Variants in DNAH11 observed in about 807,000 individuals in gnomAD.
DNAH11 encodes the protein dynein axonemal heavy chain 11, also known as axonemal beta dynein heavy chain 11.
DNAH11 carries 442 observed loss-of-function variants against 526.0 expected under a neutral mutation model. The observed-to-expected ratio is 0.84, with a 90% CI of 0.78 to 0.91. The LOEUF (loss-of-function observed/expected upper bound fraction) is 0.91. DNAH11 is among the 40% of genes least tolerant of loss of function. The pLI is 0.00. For synonymous variants in DNAH11, 2,461 were observed against 1,935.9 expected (o/e 1.27, Z -7.12); for missense variants, 6,989 against 5,448.7 (o/e 1.28, Z -8.90).
At chr7:21,869,662 G>A (rs1471551161) in intron 73 of DNAH11, among the ~76,000 whole-genome samples, 1 of 152,180 alleles carries the variant, frequency 6.6e-6, no homozygotes, top group Non-Finnish European at 1.5e-5. Flanking sequence ...TGCACAGGCA[G>A]GTCAGAGATT....
At position 21,854,224 on chromosome 7, in the gene DNAH11, T is replaced by G. The variant is rs946401519; in HGVS notation, c.11062-91T>G. On this transcript the variant is annotated intron_variant, in intron 67 of 81. Coordinates refer to ENST00000409508, the MANE Select transcript of DNAH11 (RefSeq NM_001277115.2). ...GTTATCTATTTTAATACTCATAATTTTTCATTTCAGGTACGTCCTTCCATT... is the reference window on the plus strand; with the variant it reads ...GTTATCTATTTTAATACTCATAATTGTTCATTTCAGGTACGTCCTTCCATT... 45 of 1,413,326 alleles carry G rather than the reference T, an allele frequency of 3.2e-5. No homozygotes were observed. In the East Asian group the frequency reaches 1.1e-3, roughly 34 times the overall value. 87.5% of individuals were successfully genotyped at this position (1,413,326 alleles called of 1,614,324 possible). A position where few individuals can be genotyped will look rare whatever the true frequency, so the allele number is the denominator to read the frequency against.
At chr7:21,561,233 C>G in intron 5 of DNAH11, 63 bp downstream of exon 5, 2 of 1,230,480 alleles carry the variant, frequency 1.6e-6, no homozygotes, top group Non-Finnish European at 2.3e-6. Context: ...CAGCCCCTGC[C>G]TGCTCGGCCT....
rs148200505 is a variant in DNAH11, at chr7:21,710,266, C to G, written c.6684-287C>G. On this transcript the variant is annotated intron_variant, in intron 40 of 81. Transcript: ENST00000409508. ...TTTTGAGTTTTAGGTACGTTACCTT[C>G]TATAAATCCCCACAACTGTTCATGA... Among the ~76,000 whole-genome samples, 822 of 152,234 alleles carry G rather than the reference C, an allele frequency of 5.4e-3. 3 individuals carry two copies. The highest frequency in any genetic ancestry group is 9.9e-3 in the Non-Finnish European group (670 of 67,998).
At chr7:21,693,953 GC>G (rs1320941773) in intron 35 of DNAH11, among the ~76,000 whole-genome samples, 1 of 152,118 alleles carries the variant, frequency 6.6e-6, no homozygotes, top group Non-Finnish European at 1.5e-5. Context: ...GAGAGAACAC[GC>G]GCGAGGTGGG....
chr7:21,619,738 A>G (rs897189946), intron 24 of DNAH11, among the ~76,000 whole-genome samples: 1 of 152,184 alleles, frequency 6.6e-6, no homozygotes, highest in African/African-American at 2.4e-5. Flanking sequence ...CACATTCAGT[A>G]GAAGTTTGAT....
chr7:21,583,513 A>G (rs113089157), intron 9 of DNAH11, among the ~76,000 whole-genome samples: 9,358 of 152,214 alleles, frequency 0.061, 939 homozygotes, highest in African/African-American at 0.21. Context: ...CATTCAGGAC[A>G]TAGGCATGGG....
intron 25 of DNAH11, among the ~76,000 whole-genome samples, chr7:21,634,792 A>G (rs1051989241): frequency 6.6e-6 from 1 of 152,114 alleles, no homozygotes; most frequent in Admixed American, 6.6e-5. Context: ...ACAAGCCTGC[A>G]TATGTACCCC....
intron 18 of DNAH11, among the ~76,000 whole-genome samples, chr7:21,605,590 A>C (rs1785248079): frequency 6.6e-6 from 1 of 152,196 alleles, no homozygotes. Context: ...AAATAAACCC[A>C]ACCTCAATCC....
chr7:21,599,361 G>C (rs1784985224), intron 14 of DNAH11, among the ~76,000 whole-genome samples: 1 of 152,166 alleles, frequency 6.6e-6, no homozygotes, highest in Non-Finnish European at 1.5e-5. Flanking sequence ...ATAGTCTTCA[G>C]ATGTTCCAGA....
chr7:21,552,094 A>G (rs1263675503), intron 2 of DNAH11, among the ~76,000 whole-genome samples: 1 of 152,132 alleles, frequency 6.6e-6, no homozygotes, highest in African/African-American at 2.4e-5. Context: ...CAAAAGCAAC[A>G]GGTTCCCTCT....
chr7:21,654,196 G>A (rs1781910999), intron 28 of DNAH11, among the ~76,000 whole-genome samples: 1 of 151,996 alleles, frequency 6.6e-6, no homozygotes, highest in Non-Finnish European at 1.5e-5. Flanking sequence ...TTTTCATCAA[G>A]CCGAAAGTAA....
At position 21,765,315 on chromosome 7, in the gene DNAH11, T is replaced by C. The variant is rs549409916; in HGVS notation, c.8941-113T>C. On this transcript the variant is annotated intron_variant, in intron 54 of 81. Transcript: ENST00000409508. The stretch of plus-strand genomic sequence containing the variant: ...CTGTCCACTCTCTAGGGCTTTAGGG[T>C]AGTTTAATGTCACAGTTGGCTGCAC... 6.3e-4 allele frequency: 912 copies of C among 1,458,820 alleles called. 11 individuals carry two copies. In the South Asian group the frequency reaches 0.01, roughly 17 times the overall value. 90.4% of individuals were successfully genotyped at this position (1,458,820 alleles called of 1,614,324 possible). A position where few individuals can be genotyped will look rare whatever the true frequency, so the allele number is the denominator to read the frequency against.
chr7:21,786,796 T>A, intron 59 of DNAH11, 29 bp downstream of exon 59: 1 of 1,612,360 alleles, frequency 6.2e-7, no homozygotes, highest in Non-Finnish European at 8.5e-7. Context: ...AAGATGAAAA[T>A]CCTGATAATT....
intron 39 of DNAH11, 70 bp from the exon 40 acceptor site, chr7:21,707,628 CA>C: frequency 6.5e-7 from 1 of 1,538,618 alleles, no homozygotes; most frequent in Non-Finnish European, 8.8e-7. Context: ...GAAAACTCTT[CA>C]GAAATCTTTT....
At chr7:21,663,131 C>A (rs974487442) in intron 30 of DNAH11, among the ~76,000 whole-genome samples, 1 of 152,056 alleles carries the variant, frequency 6.6e-6, no homozygotes. Flanking sequence ...TAGTTCCCTG[C>A]GTGTTGCTAC....
intron 55 of DNAH11, among the ~76,000 whole-genome samples, chr7:21,772,229 C>T (rs927775298): frequency 8.5e-5 from 13 of 152,196 alleles, no homozygotes; most frequent in Non-Finnish European, 1.3e-4. Flanking sequence ...CCGGAAACCA[C>T]TTCTTCCATC....
intron 6 of DNAH11, among the ~76,000 whole-genome samples, chr7:21,568,453 A>G (rs973127408): frequency 6.6e-6 from 1 of 152,214 alleles, no homozygotes; most frequent in African/African-American, 2.4e-5. Context: ...CTTAGCTAGT[A>G]TCACAAAAGT....
At chr7:21,720,630 A>G (rs1784838768) in intron 43 of DNAH11, 95 bp from the exon 44 acceptor site, 2 of 1,331,382 alleles carry the variant, frequency 1.5e-6, no homozygotes, top group Admixed American at 2.8e-5. Flanking sequence ...AAAACTATGT[A>G]CTCTCTTAAG....
intron 30 of DNAH11, among the ~76,000 whole-genome samples, chr7:21,677,366 G>A (rs547073827): frequency 1.3e-5 from 2 of 151,874 alleles, no homozygotes; most frequent in South Asian, 2.1e-4. Context: ...ATCTATCATA[G>A]TGATCTGTGA....
Sources: allele counts gnomAD v4.1 joint callset (sites outside exome capture counted in the v4.1 genomes callset), GRCh38; gene constraint gnomAD v4.1.1; transcripts MANE v1.5; gene names NCBI Gene and HGNC (gene_info 2026-07-23, HGNC 2026-07-21).